Variants in RTKN2 observed in about 807,000 individuals in gnomAD.
The protein encoded by RTKN2 is rhotekin 2.
A neutral mutation model predicts 71.5 loss-of-function variants in RTKN2; 69 were observed. The ratio of observed to expected loss-of-function variants is 0.96; its 90% CI spans 0.79 to 1.18. The LOEUF (loss-of-function observed/expected upper bound fraction) is 1.18, where lower values mean the gene tolerates loss of function less well. Ranked by LOEUF, RTKN2 falls within the 50% of genes most tolerant of loss-of-function variation. The pLI is 0.00. For missense variants in RTKN2, 724 were observed against 719.7 expected, an observed-to-expected ratio of 1.01 and a Z score of -0.07; for synonymous variants, 236 against 236.5, an observed-to-expected ratio of 1.00 and a Z score of 0.02.
intron 5 of RTKN2, 123 bp downstream of exon 5, chr10:62,239,525 C>T (rs1842327070): frequency 2.0e-6 from 1 of 497,420 alleles, no homozygotes; most frequent in African/African-American, 2.0e-5. Flanking sequence ...TCATATTAAA[C>T]ATTTAAAGAT....
At chr10:62,212,072 C>G (rs1171621581) in intron 9 of RTKN2, among the ~76,000 whole-genome samples, 1 of 150,386 alleles carries the variant, frequency 6.6e-6, no homozygotes, top group East Asian at 2.0e-4. Flanking sequence ...TCGAGACCAC[C>G]CTGGGCAACA....
rs144477135 is a variant in RTKN2, at chr10:62,242,712, C to G, written c.317-1517G>C. On this transcript the variant is annotated intron_variant, in intron 3 of 11. Transcript: ENST00000373789. ...TGCAACCTCCATCCTCCCCTACCACCCCTGCCCCCGGGGTTCAAGTGATTC... is the reference window on the plus strand; with the variant it reads ...TGCAACCTCCATCCTCCCCTACCACGCCTGCCCCCGGGGTTCAAGTGATTC... Among the ~76,000 whole-genome samples, 962 of 152,152 alleles carry G rather than the reference C, an allele frequency of 6.3e-3. 8 individuals carry two copies. Among genetic ancestry groups the G allele is most frequent in the Admixed American group, 9.7e-3 (148 of 15,290 alleles).
chr10:62,229,359 G>T (rs926784298), intron 6 of RTKN2, among the ~76,000 whole-genome samples: 1 of 152,106 alleles, frequency 6.6e-6, no homozygotes, highest in Non-Finnish European at 1.5e-5. Flanking sequence ...CGGGGTAGAT[G>T]GTTGAATTGA....
rs370711403 is a variant in RTKN2, at chr10:62,230,259, C to T, written c.686+5807G>A. Among the ~76,000 whole-genome samples the T allele has an allele frequency of 1.5e-4, 23 of 152,284 alleles. No individual in the cohort carries two copies. In the East Asian group the frequency reaches 2.5e-3, roughly 17 times the overall value. The stretch of plus-strand genomic sequence containing the variant: ...CAATCTCAGCTCACTGCAACCTCTG[C>T]CTCCTGCGTTCAAGCGATTCTCCTG... On this transcript the variant is annotated intron_variant, in intron 6 of 11. Coordinates refer to ENST00000373789, the MANE Select transcript of RTKN2 (RefSeq NM_145307.4).
At position 62,198,109 on chromosome 10, in the gene RTKN2, G is replaced by A. The variant is rs1841366873; in HGVS notation, c.1629C>T (p.Thr543=). The change falls in exon 12 of 12, where the codon ACC becomes ACT. Residue 543 remains threonine, a synonymous_variant. Coordinates refer to ENST00000373789, the MANE Select transcript of RTKN2 (RefSeq NM_145307.4). ...TSVSQTSSLD[T]KLSTLMHHLQ... ...AGTGATGCATTAGAGTTGATAGTTT[G>A]GTATCCAAAGACGATGTCTGAGATA... 1 of 1,614,034 alleles carries A rather than the reference G, an allele frequency of 6.2e-7. No homozygotes were observed. The highest frequency in any genetic ancestry group is 8.5e-7 in the Non-Finnish European group (1 of 1,179,972).
Position 62,195,575 on chromosome 10 carries a change from G to A in RTKN2, c.*2333C>T, listed in dbSNP as rs1019289967. On this transcript the variant is annotated 3_prime_UTR_variant, in exon 12 of 12. Coordinates refer to ENST00000373789, the MANE Select transcript of RTKN2 (RefSeq NM_145307.4). ...CAAAGACAAAAAGGAAGGAAGGAGG[G>A]AAGGAGGGAAGGAGAGACGGACAGA... The A allele has an allele frequency of 8.0e-6, 5 of 621,818 alleles. No homozygotes were observed. The highest frequency in any genetic ancestry group is 8.0e-6 in the Non-Finnish European group (4 of 499,368). 38.5% of individuals were successfully genotyped at this position (621,818 alleles called of 1,614,324 possible). A position where few individuals can be genotyped will look rare whatever the true frequency, so the allele number is the denominator to read the frequency against.
At chr10:62,192,945 A>AGTAT (rs1019390844), downstream of RTKN2, among the ~76,000 whole-genome samples, 4 of 152,114 alleles carry the variant, frequency 2.6e-5, no homozygotes, top group Middle Eastern at 3.2e-3. Flanking sequence ...TATGTGTATG[A>AGTAT]GTATGTATGT....
intron 2 of RTKN2, among the ~76,000 whole-genome samples, chr10:62,251,295 ATTAG>A (rs753094217): frequency 3.8e-4 from 58 of 152,324 alleles, no homozygotes; most frequent in East Asian, 1.2e-3. Flanking sequence ...CTATTTTATT[ATTAG>A]TTATTGTTGT....
At chr10:62,257,866 A>T (rs988931042) in intron 2 of RTKN2, among the ~76,000 whole-genome samples, 1 of 152,184 alleles carries the variant, frequency 6.6e-6, no homozygotes, top group Non-Finnish European at 1.5e-5. Context: ...TAAGCAACCT[A>T]TGCACCTCAT....
intron 6 of RTKN2, among the ~76,000 whole-genome samples, chr10:62,235,601 C>CT (rs1275440529): frequency 2.0e-5 from 3 of 151,964 alleles, no homozygotes; most frequent in Middle Eastern, 3.4e-3. Flanking sequence ...TCAGTCAAAA[C>CT]TTTGTTTTAT....
At position 62,195,530 on chromosome 10, in the gene RTKN2, C is replaced by T. The variant is rs898596429; in HGVS notation, c.*2378G>A. ...AAGGGGATGAGACAGAGAGAGAGGA[C>T]AGGGGGCCAGAGAAAGAAACAAAGA... On this transcript the variant is annotated 3_prime_UTR_variant, in exon 12 of 12. Transcript: ENST00000373789. 1.4e-6 allele frequency: 1 copy of T among 708,642 alleles called. No individual in the cohort carries two copies. The highest frequency in any genetic ancestry group is 1.7e-6 in the Non-Finnish European group (1 of 581,842). The allele number at this position is 708,642 out of a possible 1,614,324, so 43.9% of individuals were successfully genotyped here.
In RTKN2 at chr10:62,233,328, A is replaced by T. The variant is rs534116734; in HGVS notation, c.686+2738T>A. Among the ~76,000 whole-genome samples, 7 of 152,316 alleles carry T rather than the reference A, an allele frequency of 4.6e-5. No individual in the cohort carries two copies. The South Asian group carries it at 1.2e-3, about 27-fold the overall frequency. On this transcript the variant is annotated intron_variant, in intron 6 of 11. Transcript: ENST00000373789. ...TGGAAATAGAATTGTTTATCTAATC[A>T]TTAAAAAGAATTAATTCCACCACCT... is the stretch of plus-strand genomic sequence containing the variant.
intron 7 of RTKN2, among the ~76,000 whole-genome samples, chr10:62,219,204 T>C (rs953216015): frequency 1.3e-5 from 2 of 150,784 alleles, no homozygotes; most frequent in South Asian, 2.1e-4. Flanking sequence ...GAATGGTGAG[T>C]AGCAGGGGCT....
At chr10:62,189,852 C>CTTTTTTT (rs34781086), downstream of RTKN2, among the ~76,000 whole-genome samples, 1 of 146,288 alleles carries the variant, frequency 6.8e-6, no homozygotes, top group African/African-American at 2.5e-5. Flanking sequence ...ATTCACCCAC[C>CTTTTTTT]TTTTTTTTTT....
intron 7 of RTKN2, among the ~76,000 whole-genome samples, chr10:62,222,772 T>C (rs1045629165): frequency 3.3e-5 from 5 of 152,198 alleles, no homozygotes; most frequent in South Asian, 4.1e-4. Flanking sequence ...TATCTTTATT[T>C]TGGATAAACT....
intron 6 of RTKN2, among the ~76,000 whole-genome samples, chr10:62,230,958 TTTAA>T (rs142458633): frequency 5.6e-4 from 86 of 152,364 alleles, no homozygotes; most frequent in African/African-American, 1.9e-3. Flanking sequence ...TCTACAATGA[TTTAA>T]TTAATTATAT....
intron 9 of RTKN2, among the ~76,000 whole-genome samples, chr10:62,208,082 A>G (rs915548285): frequency 1.3e-5 from 2 of 152,154 alleles, no homozygotes; most frequent in Non-Finnish European, 1.5e-5. Flanking sequence ...ATGCCAAGTG[A>G]AGTCAATAAA....
At chr10:62,233,903 C>G (rs910290173) in intron 6 of RTKN2, among the ~76,000 whole-genome samples, 5 of 152,074 alleles carry the variant, frequency 3.3e-5, no homozygotes, top group African/African-American at 7.2e-5. Context: ...AGAGCCAACT[C>G]GACGAAACAT....
chr10:62,192,469 T>A (rs1001227749), downstream of RTKN2, among the ~76,000 whole-genome samples: 13 of 152,262 alleles, frequency 8.5e-5, no homozygotes, highest in African/African-American at 2.4e-4. Context: ...ATGAAGACGA[T>A]GAGATATCAC....
Sources: gnomAD v4.1 joint callset for allele counts (sites outside exome capture counted in the v4.1 genomes callset) on GRCh38, gnomAD v4.1.1 for gene constraint, MANE v1.5 for transcripts, NCBI Gene and HGNC (gene_info 2026-07-23, HGNC 2026-07-21) for gene names.